The following R3HDM1 variants were observed in gnomAD, a reference collection of about 807,000 sequenced individuals.
The protein encoded by R3HDM1 is R3H domain containing 1, also known as R3H domain-containing protein 1.
A neutral mutation model predicts 141.1 loss-of-function variants in R3HDM1; 46 were observed. That is an observed-to-expected ratio of 0.33 (90% CI 0.26 to 0.42). The LOEUF is 0.42. R3HDM1 is among the 10% of genes least tolerant of loss of function. The pLI, the probability that R3HDM1 is intolerant of heterozygous loss-of-function variation, is 1.00. For synonymous variants in R3HDM1, 435 were observed against 472.9 expected (o/e 0.92, Z 1.04); for missense variants, 1,184 against 1,368.3 (o/e 0.87, Z 2.12).
chr2:135,607,742 A>C, intron 3 of R3HDM1: 1 of 592,500 alleles, frequency 1.7e-6, no homozygotes, highest in Non-Finnish European at 2.1e-6. Context: ...TGCCCTTGGC[A>C]GTAAGCCACA....
At chr2:135,645,296 CA>C in intron 15 of R3HDM1, 82 bp from the exon 16 acceptor site, 1 of 1,197,126 alleles carries the variant, frequency 8.4e-7, no homozygotes, top group Non-Finnish European at 1.2e-6. Flanking sequence ...GGATTTTGGA[CA>C]TGCTTTGTAA....
At chr2:135,678,715 G>GTCA (rs916564275) in intron 20 of R3HDM1, among the ~76,000 whole-genome samples, 6 of 149,062 alleles carry the variant, frequency 4.0e-5, no homozygotes, top group African/African-American at 1.5e-4. Context: ...TATTATTAAC[G>GTCA]TCATCATCAT....
At chr2:135,593,106 G>A (rs1709712383) in intron 1 of R3HDM1, among the ~76,000 whole-genome samples, 1 of 152,032 alleles carries the variant, frequency 6.6e-6, no homozygotes, top group South Asian at 2.1e-4. Flanking sequence ...TTTTAGTAGA[G>A]TTGAGGTTTC....
rs138546996 is a variant in R3HDM1 at position 135,691,324 on chromosome 2, T to G, written c.2459+11000T>G. 2.6e-3 allele frequency among the ~76,000 whole-genome samples: 395 copies of G among 152,304 alleles called. 2 individuals carry two copies. The highest frequency in any genetic ancestry group is 8.9e-3 in the African/African-American group (370 of 41,572). ...TTTGTAAAAACTCCATTATTAATTT[T>G]TCTTTTAGGCTGGGCATGGTGGCTC... On this transcript the variant is annotated intron_variant, in intron 21 of 26. Transcript: ENST00000683871.
chr2:135,623,364 T>C (rs2061682332), intron 7 of R3HDM1, among the ~76,000 whole-genome samples: 1 of 152,210 alleles, frequency 6.6e-6, no homozygotes, highest in African/African-American at 2.4e-5. Flanking sequence ...AGATGTTAGC[T>C]TTCCAGAGTA....
chr2:135,724,358 A>G lies in R3HDM1; in HGVS notation c.*66A>G. 8.1e-7 allele frequency: 1 copy of G among 1,239,652 alleles called. No individual in the cohort carries two copies. The highest frequency in any genetic ancestry group is 1.1e-6 in the Non-Finnish European group (1 of 888,378). The allele number at this position is 1,239,652 out of a possible 1,614,324, so 76.8% of individuals were successfully genotyped here. A position where few individuals can be genotyped will look rare whatever the true frequency, so the allele number is the denominator to read the frequency against. ...CTCTCCCATCTTTGATTGGCTTGGTATTTGGAGCTTCTGTTAACATTATAG... is the reference window on the plus strand; with the variant it reads ...CTCTCCCATCTTTGATTGGCTTGGTGTTTGGAGCTTCTGTTAACATTATAG... On this transcript the variant is annotated 3_prime_UTR_variant, in exon 27 of 27. Coordinates refer to ENST00000683871, the MANE Select transcript of R3HDM1 (RefSeq NM_001378107.1).
intron 1 of R3HDM1, among the ~76,000 whole-genome samples, chr2:135,556,447 A>C (rs1443104377): frequency 6.6e-6 from 1 of 152,170 alleles, no homozygotes; most frequent in East Asian, 1.9e-4. Flanking sequence ...AAATGAAAAA[A>C]TCAACTAGAC....
At position 135,641,536 on chromosome 2, in the gene R3HDM1, G is replaced by C. The variant is rs964278005; in HGVS notation, c.1220G>C (p.Gly407Ala). Residue 407 changes from glycine (G) to alanine (A), a missense_variant and splice_region_variant, in exon 15 of 27, where the codon GGT becomes GCT. Coordinates refer to ENST00000683871, the MANE Select transcript of R3HDM1 (RefSeq NM_001378107.1). ...ATATTTTTCATTACTCCTCTTCTAG[G>C]TTCTGAGTCTTCTGGTAGTGTAGGG... ...SKSIGRLSKT[G>A]SESSGSVGSS... 1 of 1,604,032 alleles carries C rather than the reference G, an allele frequency of 6.2e-7. No individual in the cohort carries two copies. Among genetic ancestry groups the C allele is most frequent in the Non-Finnish European group, 8.5e-7 (1 of 1,177,204 alleles).
At position 135,675,477 on chromosome 2, in the gene R3HDM1, A is replaced by C. The variant is rs748400720; in HGVS notation, c.2298A>C (p.Pro766=). 8 of 1,612,952 alleles carry C rather than the reference A, an allele frequency of 5.0e-6. No individual in the cohort carries two copies. The East Asian group carries it at 1.8e-4, about 36-fold the overall frequency. The change falls in exon 20 of 27, where the codon CCA becomes CCC. Residue 766 remains proline (P), a synonymous_variant. Transcript: ENST00000683871. ...TGGTCATCCCCTATACTTCAGTGCC[A>C]ACATATCAGGTATATTGTCTCTTTT... ...QGVVIPYTSV[P]TYQVSLPQGS... is the part of the protein sequence containing the mutation.
At chr2:135,682,751 C>T (rs544699015) in intron 21 of R3HDM1, among the ~76,000 whole-genome samples, 5 of 152,332 alleles carry the variant, frequency 3.3e-5, no homozygotes, top group Non-Finnish European at 7.3e-5. Flanking sequence ...AATCCCAGCA[C>T]TTTGGGAAGC....
intron 19 of R3HDM1, chr2:135,670,469 C>T: frequency 2.3e-6 from 2 of 874,118 alleles, no homozygotes; most frequent in Non-Finnish European, 2.7e-6. Flanking sequence ...ACTTTCTTCC[C>T]ATACATTGTA....
At chr2:135,536,616 G>T in intron 1 of R3HDM1, 3 of 890,118 alleles carry the variant, frequency 3.4e-6, no homozygotes, top group Non-Finnish European at 4.0e-6. Flanking sequence ...ACTTGATATT[G>T]TCTGATCTAA....
At chr2:135,649,067 GT>G (rs1368885951) in intron 16 of R3HDM1, 4,066 of 140,010 alleles carry the variant, frequency 0.029, 141 homozygotes, top group African/African-American at 0.085. Context: ...ATATATTTGG[GT>G]TTTTTTTTTT....
At chr2:135,646,344 T>G (rs937195144) in intron 16 of R3HDM1, among the ~76,000 whole-genome samples, 6 of 150,896 alleles carry the variant, frequency 4.0e-5, no homozygotes, top group Non-Finnish European at 8.9e-5. Flanking sequence ...ACCATGTTAG[T>G]CAGGATGGTC....
intron 16 of R3HDM1, among the ~76,000 whole-genome samples, chr2:135,648,666 A>G (rs983811511): frequency 2.0e-5 from 3 of 151,980 alleles, no homozygotes; most frequent in Non-Finnish European, 4.4e-5. Context: ...GCCAATATGT[A>G]TATTACCGTT....
At chr2:135,607,624 A>G (rs569069475) in intron 3 of R3HDM1, among the ~76,000 whole-genome samples, 2 of 152,216 alleles carry the variant, frequency 1.3e-5, no homozygotes, top group African/African-American at 4.8e-5. Flanking sequence ...AAATAATAAA[A>G]TACTTCATTT....
At position 135,652,090 on chromosome 2, in the gene R3HDM1, T is replaced by A. The variant is rs2065207372; in HGVS notation, c.2028+58T>A. On this transcript the variant is annotated intron_variant, in intron 18 of 26. Coordinates refer to ENST00000683871, the MANE Select transcript of R3HDM1 (RefSeq NM_001378107.1). Reference sequence around the variant, plus strand: ...GAAACCTCTCACTTAAGATCAGTTTTAACTTCAAAGAACTTATTTTTAAAT... The same window carrying A: ...GAAACCTCTCACTTAAGATCAGTTTAAACTTCAAAGAACTTATTTTTAAAT... 3 of 1,500,280 alleles carry A rather than the reference T, an allele frequency of 2.0e-6. No homozygotes were observed. In the South Asian group the frequency reaches 4.2e-5, roughly 21 times the overall value. The allele number at this position is 1,500,280 out of a possible 1,614,324, so 92.9% of individuals were successfully genotyped here.
rs908846032 is a variant in R3HDM1, at chr2:135,617,582, T to C, written c.303+825T>C. Reference sequence around the variant, plus strand: ...CTCACATATCTATTCTTGTAAAATTTAGAACAGTGAGGTTTAGGCAAACCA... The same window carrying C: ...CTCACATATCTATTCTTGTAAAATTCAGAACAGTGAGGTTTAGGCAAACCA... On this transcript the variant is annotated intron_variant, in intron 5 of 26. Coordinates refer to ENST00000683871, the MANE Select transcript of R3HDM1 (RefSeq NM_001378107.1). Among the ~76,000 whole-genome samples, 2 of 152,168 alleles carry C rather than the reference T, an allele frequency of 1.3e-5. 1 individual carries two copies. Among genetic ancestry groups the C allele is most frequent in the Non-Finnish European group, 2.9e-5 (2 of 68,024 alleles).
intron 1 of R3HDM1, chr2:135,586,668 A>G: frequency 1.0e-6 from 1 of 984,944 alleles, no homozygotes; most frequent in Non-Finnish European, 1.2e-6. Flanking sequence ...TATTTTTGCA[A>G]AAATATATTT....
Sources: gnomAD v4.1 joint callset for allele counts (sites outside exome capture counted in the v4.1 genomes callset) on GRCh38, gnomAD v4.1.1 for gene constraint, MANE v1.5 for transcripts, NCBI Gene and HGNC (gene_info 2026-07-23, HGNC 2026-07-21) for gene names.